SUFU: variants seen among roughly 807,000 people sequenced by gnomAD.
The protein encoded by SUFU is SUFU negative regulator of hedgehog signaling, also known as suppressor of fused homolog.
A neutral mutation model predicts 58.9 loss-of-function variants in SUFU; 7 were observed. The observed-to-expected ratio is 0.12, with a 90% CI of 0.07 to 0.22. The LOEUF (loss-of-function observed/expected upper bound fraction) is 0.22, where lower values mean the gene tolerates loss of function less well. Among genes scored for constraint, SUFU ranks in the 10% least tolerant of loss-of-function variants. The pLI, the probability that SUFU is intolerant of heterozygous loss-of-function variation, is 1.00. For missense variants in SUFU, 451 were observed against 641.3 expected (o/e 0.70, Z 3.20); for synonymous variants, 232 against 254.8 (o/e 0.91, Z 0.85).
chr10:102,595,514 T>C (rs2063452289), intron 6 of SUFU, among the ~76,000 whole-genome samples: 1 of 152,224 alleles, frequency 6.6e-6, no homozygotes, highest in South Asian at 2.1e-4. Context: ...GTTTGGCCCC[T>C]GTCATAAGTG....
chr10:102,592,873 A>G (rs2063418693), intron 4 of SUFU, 149 bp downstream of exon 4: 1 of 932,944 alleles, frequency 1.1e-6, no homozygotes, highest in Admixed American at 2.0e-5. Flanking sequence ...TGTCAGGTAG[A>G]TTCAGATGGT....
intron 2 of SUFU, among the ~76,000 whole-genome samples, chr10:102,527,098 T>G (rs1291428890): frequency 6.8e-6 from 1 of 147,912 alleles, no homozygotes; most frequent in East Asian, 2.0e-4. Context: ...CGCCTTCTGG[T>G]GTCATGCCAT....
In SUFU at chr10:102,523,753, G is replaced by A. The variant is rs118107597; in HGVS notation, c.317+14450G>A. Among the ~76,000 whole-genome samples, 666 of 152,310 alleles carry A rather than the reference G, an allele frequency of 4.4e-3. 25 individuals are homozygous for A. Among genetic ancestry groups the A allele is most frequent in the Admixed American group, 0.04 (606 of 15,296 alleles). ...GATGGTCGCTGAGCAGGGAGCCTTC[G>A]GAGTTAGACCTTCTTTAGCCAGGGC... On this transcript the variant is annotated intron_variant, in intron 2 of 11. Coordinates refer to ENST00000369902, the MANE Select transcript of SUFU (RefSeq NM_016169.4).
intron 10 of SUFU, among the ~76,000 whole-genome samples, chr10:102,624,848 G>GC (rs1477321826): frequency 6.6e-6 from 1 of 152,096 alleles, no homozygotes; most frequent in African/African-American, 2.4e-5. Context: ...GTGAACCCTT[G>GC]CCCCTCTTCC....
chr10:102,616,840 G>A (rs1428629679), intron 9 of SUFU, among the ~76,000 whole-genome samples: 6 of 152,132 alleles, frequency 3.9e-5, no homozygotes. Context: ...GACACTGAAG[G>A]GTCCCACTGC....
Position 102,629,108 on chromosome 10 carries a change from A to G in SUFU, c.1366-958A>G, listed in dbSNP as rs553187841. 6.6e-6 allele frequency among the ~76,000 whole-genome samples: 1 copy of G among 152,164 alleles called. No individual in the cohort carries two copies. The highest frequency in any genetic ancestry group is 1.5e-5 in the Non-Finnish European group (1 of 68,024). On this transcript the variant is annotated intron_variant, in intron 11 of 11. Transcript: ENST00000369902. The surrounding 1 kb of genome is among the most constrained non-coding windows in gnomAD (Gnocchi z 4.7). Reference sequence around the variant, plus strand: ...GAAGCAAAAGTTGCAGTGAGCCGAGATCGCGCCATTGCACTCCAGCCTGGG... The same window carrying G: ...GAAGCAAAAGTTGCAGTGAGCCGAGGTCGCGCCATTGCACTCCAGCCTGGG...
At position 102,504,153 on chromosome 10, in the gene SUFU, A is replaced by ATGGCGGAGCTGCGGCC; in HGVS notation, c.3_18dup (p.Ser7_?6). On this transcript the variant is annotated frameshift_variant and start_lost, in exon 1 of 12. Coordinates refer to ENST00000369902, the MANE Select transcript of SUFU (RefSeq NM_016169.4). LOFTEE classifies it high-confidence loss of function. ...CCCAGTGCCTGCCCTACGCACCCCG[A>ATGGCGGAGCTGCGGCC]TGGCGGAGCTGCGGCCTAGCGGCGC... 6.5e-7 allele frequency: 1 copy of ATGGCGGAGCTGCGGCC among 1,541,684 alleles called. No individual in the cohort carries two copies. Among genetic ancestry groups the ATGGCGGAGCTGCGGCC allele is most frequent in the East Asian group, 2.4e-5 (1 of 40,982 alleles).
chr10:102,618,979 T>TGTAA (rs1370534915), intron 10 of SUFU: 10 of 999,436 alleles, frequency 1.0e-5, no homozygotes, highest in African/African-American at 1.6e-5. Flanking sequence ...TGTGTGTGTG[T>TGTAA]AATGTTCAAG....
chr10:102,600,078 G>A (rs2135890700), intron 8 of SUFU, among the ~76,000 whole-genome samples: 1 of 152,264 alleles, frequency 6.6e-6, no homozygotes, highest in South Asian at 2.1e-4. Context: ...CCTGTCCAGG[G>A]GCCCCTGTAG....
At chr10:102,571,640 A>G (rs568023646) in intron 3 of SUFU, among the ~76,000 whole-genome samples, 4 of 152,344 alleles carry the variant, frequency 2.6e-5, no homozygotes, top group Non-Finnish European at 5.9e-5. Flanking sequence ...CAGTGAGTCA[A>G]GATTGCGCCA....
At chr10:102,512,535 A>G (rs780977722) in intron 2 of SUFU, among the ~76,000 whole-genome samples, 20 of 152,152 alleles carry the variant, frequency 1.3e-4, no homozygotes, top group Admixed American at 2.6e-4. Flanking sequence ...TTGAAATAGG[A>G]CCTTTCTTAT....
intron 10 of SUFU, among the ~76,000 whole-genome samples, chr10:102,626,530 T>TC (rs2063787438): frequency 6.6e-6 from 1 of 152,104 alleles, no homozygotes; most frequent in African/African-American, 2.4e-5. Flanking sequence ...CAGTGGCTGA[T>TC]CGAGCACAGC....
At chr10:102,504,546 C>T (rs984812760) in intron 1 of SUFU, among the ~76,000 whole-genome samples, 1 of 147,726 alleles carries the variant, frequency 6.8e-6, no homozygotes, top group South Asian at 2.1e-4. Flanking sequence ...AGGGGTTAAC[C>T]GGGATTAGGA....
chr10:102,619,854 G>C lies in SUFU; in HGVS notation c.1296+2426G>C, dbSNP rs1300348456. On this transcript the variant is annotated intron_variant, in intron 10 of 11. Coordinates refer to ENST00000369902, the MANE Select transcript of SUFU (RefSeq NM_016169.4). The surrounding 1 kb of genome is among the most constrained non-coding windows in gnomAD (Gnocchi z 4.2). Reference sequence around the variant, plus strand: ...CTGGCTGTCTCCCTGGGAGTCTGCAGGACCTCCTAGAGGCCTGGGGTTAGA... The same window carrying C: ...CTGGCTGTCTCCCTGGGAGTCTGCACGACCTCCTAGAGGCCTGGGGTTAGA... Among the ~76,000 whole-genome samples the C allele has an allele frequency of 6.6e-6, 1 of 152,138 alleles. No homozygotes were observed. The highest frequency in any genetic ancestry group is 1.5e-5 in the Non-Finnish European group (1 of 67,984).
chr10:102,545,508 T>A (rs2062846512), intron 2 of SUFU, among the ~76,000 whole-genome samples: 2 of 152,178 alleles, frequency 1.3e-5, no homozygotes, highest in East Asian at 1.9e-4. Flanking sequence ...TTAACTTTTT[T>A]AGGAACTGCC....
In SUFU at chr10:102,615,501, G is replaced by A. The variant is rs2001389; in HGVS notation, c.1157+99G>A. Reference sequence around the variant, plus strand: ...TCCCCAGCCCCCTCCCCCAGCAGGCGTCCTCCAGGGCCTCCAAGGAGCCAC... The same window carrying A: ...TCCCCAGCCCCCTCCCCCAGCAGGCATCCTCCAGGGCCTCCAAGGAGCCAC... On this transcript the variant is annotated intron_variant, in intron 9 of 11. Transcript: ENST00000369902. 704,899 of 1,574,090 alleles carry A rather than the reference G, an allele frequency of 0.45. 162,165 individuals are homozygous for A. The highest frequency in any genetic ancestry group is 0.72 in the East Asian group (32,306 of 44,570).
Position 102,599,451 on chromosome 10 carries a change from A to T in SUFU, c.929A>T (p.Glu310Val). The T allele has an allele frequency of 6.2e-7, 1 of 1,614,074 alleles. No individual in the cohort carries two copies. Among genetic ancestry groups the T allele is most frequent in the South Asian group, 1.1e-5 (1 of 91,084 alleles). Reference sequence around the variant, plus strand: ...GTTGCAGACACAGAGCAGATCCGGGAGACCCTGAGGAGAGGACTCGAGATC... The same window carrying T: ...GTTGCAGACACAGAGCAGATCCGGGTGACCCTGAGGAGAGGACTCGAGATC... Reference protein sequence around the residue: ...LSGKDTEQIRETLRRGLEINS... With the variant: ...LSGKDTEQIRVTLRRGLEINS... The change falls in exon 8 of 12, where the codon GAG (glutamate) becomes GTG (valine). Residue 310 changes from glutamate (E) to valine (V), a missense_variant. Coordinates refer to ENST00000369902, the MANE Select transcript of SUFU (RefSeq NM_016169.4).
intron 8 of SUFU, among the ~76,000 whole-genome samples, chr10:102,609,282 T>TA (rs11394237): frequency 0.45 from 68,934 of 151,922 alleles, 16,038 homozygotes; most frequent in East Asian, 0.68. Context: ...CTGTGCTCAA[T>TA]AAAGATGTCT....
intron 3 of SUFU, among the ~76,000 whole-genome samples, chr10:102,582,858 T>A (rs1296148445): frequency 6.6e-6 from 1 of 152,152 alleles, no homozygotes. Context: ...GCGACGTTCT[T>A]TCAGACACTG....
Sources: allele counts gnomAD v4.1 joint callset (sites outside exome capture counted in the v4.1 genomes callset), GRCh38; gene constraint gnomAD v4.1.1; non-coding constraint Gnocchi (gnomAD v3.1); transcripts MANE v1.5; gene names NCBI Gene and HGNC (gene_info 2026-07-23, HGNC 2026-07-21).